TMEM132D: variants seen among roughly 807,000 people sequenced by gnomAD.
TMEM132D encodes the protein transmembrane protein 132D, also known as mature OL transmembrane protein.
TMEM132D carries 21 observed loss-of-function variants against 62.3 expected under a neutral mutation model. The observed-to-expected ratio is 0.34, with a 90% CI of 0.24 to 0.49. TMEM132D has a LOEUF of 0.49. Among genes scored for constraint, TMEM132D ranks in the 20% least tolerant of loss-of-function variants. The pLI is 0.99. For missense variants in TMEM132D, 1,346 were observed against 1,402.8 expected (o/e 0.96, Z 0.65); for synonymous variants, 621 against 575.6 (o/e 1.08, Z -1.13).
At chr12:129,440,306 G>C (rs61266532) in intron 3 of TMEM132D, among the ~76,000 whole-genome samples, 1 of 152,246 alleles carries the variant, frequency 6.6e-6, no homozygotes, top group East Asian at 1.9e-4. Context: ...GAAAACAAGG[G>C]GGTAATGGAG....
intron 6 of TMEM132D, among the ~76,000 whole-genome samples, 158 bp from the exon 7 acceptor site, chr12:129,082,190 TG>T (rs1278680797): frequency 6.6e-6 from 1 of 152,144 alleles, no homozygotes; most frequent in Non-Finnish European, 1.5e-5. Flanking sequence ...TACTAACCAC[TG>T]CTCTGGCATG....
At chr12:129,434,405 T>A (rs1463101109) in intron 3 of TMEM132D, among the ~76,000 whole-genome samples, 1 of 152,140 alleles carries the variant, frequency 6.6e-6, no homozygotes, top group Admixed American at 6.5e-5. Context: ...TCGGTGCCAG[T>A]TTCTTCATTT....
chr12:129,450,756 T>TA (rs1173323617), intron 3 of TMEM132D, among the ~76,000 whole-genome samples: 2 of 57,820 alleles, frequency 3.5e-5, no homozygotes, highest in Non-Finnish European at 9.1e-5. Context: ...GCTTCTTTTT[T>TA]TTTTTTTTTT....
intron 4 of TMEM132D, among the ~76,000 whole-genome samples, chr12:129,240,172 C>A (rs1328863171): frequency 1.3e-5 from 2 of 152,174 alleles, no homozygotes; most frequent in Non-Finnish European, 2.9e-5. Flanking sequence ...CCACTCAGAG[C>A]CACTGCTAAA....
intron 1 of TMEM132D, among the ~76,000 whole-genome samples, chr12:129,738,381 G>A (rs1869493154): frequency 6.6e-6 from 1 of 152,054 alleles, no homozygotes. Flanking sequence ...AGAGAAAAGG[G>A]AGGAAGAAAA....
chr12:129,646,538 G>A (rs1031287217), intron 2 of TMEM132D, among the ~76,000 whole-genome samples: 2 of 152,122 alleles, frequency 1.3e-5, no homozygotes, highest in Non-Finnish European at 2.9e-5. Flanking sequence ...GTAGAGAGTA[G>A]TATAATGAAC....
chr12:129,768,053 A>G (rs983116469), intron 1 of TMEM132D, among the ~76,000 whole-genome samples: 1 of 152,168 alleles, frequency 6.6e-6, no homozygotes, highest in African/African-American at 2.4e-5. Context: ...ACCCATCACC[A>G]TGATTCAGTT....
intron 3 of TMEM132D, among the ~76,000 whole-genome samples, chr12:129,353,532 T>G (rs1381555659): frequency 6.6e-6 from 1 of 151,940 alleles, no homozygotes; most frequent in Non-Finnish European, 1.5e-5. Context: ...GCTATCAGGG[T>G]GAACAGGGCT....
chr12:129,832,429 T>A (rs1872871336), intron 1 of TMEM132D, among the ~76,000 whole-genome samples: 1 of 152,064 alleles, frequency 6.6e-6, no homozygotes, highest in South Asian at 2.1e-4. Flanking sequence ...ACATATCGAA[T>A]AGGACATATA....
chr12:129,700,078 C>A lies in TMEM132D; in HGVS notation c.700G>T (p.Gly234Cys), dbSNP rs745657278. 6.2e-7 allele frequency: 1 copy of A among 1,613,664 alleles called. No homozygotes were observed. The highest frequency in any genetic ancestry group is 1.7e-5 in the Admixed American group (1 of 60,032). Residue 234 changes from glycine to cysteine, a missense_variant, in exon 2 of 9, where the codon GGT (glycine) becomes TGT (cysteine). Physicochemically the swap from Gly to Cys is radical, Grantham distance 159. Transcript: ENST00000422113. Reference protein sequence around the residue: ...VELYYTVHPGGERGDCVREDA... With the variant: ...VELYYTVHPGCERGDCVREDA... The stretch of plus-strand genomic sequence containing the variant: ...TCCCTGACGCAGTCCCCTCTCTCAC[C>A]CCCTGGGTGCACGGTGTAGTAGAGC...
In TMEM132D at chr12:129,297,269, G is replaced by A. The variant is rs116199418; in HGVS notation, c.1299+40365C>T. Among the ~76,000 whole-genome samples the A allele has an allele frequency of 5.6e-3, 849 of 152,286 alleles. 9 individuals carry two copies. Among genetic ancestry groups the A allele is most frequent in the African/African-American group, 0.019 (795 of 41,566 alleles). On this transcript the variant is annotated intron_variant, in intron 4 of 8. Coordinates refer to ENST00000422113, the MANE Select transcript of TMEM132D (RefSeq NM_133448.3). ...TAGAGCAAAGCTGCATTTGGTGCACGTTCTTTAGTCCAGTTCTCTCATCCT... is the reference window on the plus strand; with the variant it reads ...TAGAGCAAAGCTGCATTTGGTGCACATTCTTTAGTCCAGTTCTCTCATCCT...
chr12:129,644,335 C>T (rs971183149), intron 2 of TMEM132D, among the ~76,000 whole-genome samples: 7 of 152,176 alleles, frequency 4.6e-5, no homozygotes, highest in South Asian at 4.1e-4. Flanking sequence ...AGAGAATCTT[C>T]GCTTCTTCAA....
At chr12:129,644,508 G>A (rs573863198) in intron 2 of TMEM132D, among the ~76,000 whole-genome samples, 4 of 152,168 alleles carry the variant, frequency 2.6e-5, no homozygotes, top group African/African-American at 9.6e-5. Context: ...GAGAGACCAG[G>A]CAGTGTGAAT....
At chr12:129,632,416 A>G (rs1022786533) in intron 2 of TMEM132D, among the ~76,000 whole-genome samples, 11 of 152,354 alleles carry the variant, frequency 7.2e-5, no homozygotes, top group East Asian at 1.9e-4. Context: ...ATTAGTTCTC[A>G]GTTCAAAAGC....
At chr12:129,331,297 T>G (rs1869094803) in intron 4 of TMEM132D, among the ~76,000 whole-genome samples, 1 of 152,234 alleles carries the variant, frequency 6.6e-6, no homozygotes, top group African/African-American at 2.4e-5. Context: ...AGGGCTGGGT[T>G]TGGCAGATGC....
chr12:129,855,273 G>T, intron 1 of TMEM132D, among the ~76,000 whole-genome samples: 1 of 36,564 alleles, frequency 2.7e-5, no homozygotes, highest in African/African-American at 1.3e-4. Flanking sequence ...CCCTTGTAAC[G>T]GAGTCCGGGG....
chr12:129,451,226 G>A (rs956575287), intron 3 of TMEM132D, among the ~76,000 whole-genome samples: 2 of 152,132 alleles, frequency 1.3e-5, no homozygotes, highest in African/African-American at 2.4e-5. Context: ...ATGCACAGAT[G>A]CTAGAAAAGA....
At chr12:129,669,419 T>C (rs1880450002) in intron 2 of TMEM132D, among the ~76,000 whole-genome samples, 1 of 151,952 alleles carries the variant, frequency 6.6e-6, no homozygotes, top group African/African-American at 2.4e-5. Context: ...AAATTGGGAG[T>C]TGTGGCCAGG....
intron 1 of TMEM132D, among the ~76,000 whole-genome samples, chr12:129,767,834 G>A (rs1236328406): frequency 2.6e-5 from 4 of 152,092 alleles, no homozygotes; most frequent in Admixed American, 1.3e-4. Context: ...ACCAAGACTT[G>A]GTAATTCACA....
Sources: gnomAD v4.1 joint callset for allele counts (sites outside exome capture counted in the v4.1 genomes callset) on GRCh38, gnomAD v4.1.1 for gene constraint, MANE v1.5 for transcripts, NCBI Gene and HGNC (gene_info 2026-07-23, HGNC 2026-07-21) for gene names.